Variants in ENTREP2 observed in about 807,000 individuals in gnomAD.
ENTREP2 encodes the protein protein ENTREP2.
At chr15:29,439,188 A>C in the ENTREP2 span, among the ~76,000 whole-genome samples, 1 of 151,996 alleles carries the variant, frequency 6.6e-6, no homozygotes, top group African/African-American at 2.4e-5. Flanking sequence ...TTCTCTGATA[A>C]AAGGAGAAAC....
At chr15:29,191,650 G>A in the ENTREP2 span, among the ~76,000 whole-genome samples, 1 of 152,186 alleles carries the variant, frequency 6.6e-6, no homozygotes, top group Non-Finnish European at 1.5e-5. Context: ...TAGGGGCAGT[G>A]GCTCATGCCC....
the ENTREP2 span, among the ~76,000 whole-genome samples, chr15:29,595,232 G>T: frequency 2.6e-5 from 4 of 151,790 alleles, no homozygotes; most frequent in Non-Finnish European, 5.9e-5. Flanking sequence ...CAGCCTGGGC[G>T]GCAGAGTGAA....
the ENTREP2 span, among the ~76,000 whole-genome samples, chr15:29,202,743 T>C: frequency 6.6e-6 from 1 of 152,202 alleles, no homozygotes; most frequent in African/African-American, 2.4e-5. Context: ...GTGTTTGGTT[T>C]TCTGTTCCTG....
the ENTREP2 span, chr15:29,196,662 A>T: frequency 7.5e-7 from 1 of 1,325,400 alleles, no homozygotes; most frequent in African/African-American, 1.5e-5. Flanking sequence ...AAAATGGCTC[A>T]GTTCAAAGGA....
At chr15:29,340,719 C>T in the ENTREP2 span, among the ~76,000 whole-genome samples, 1 of 152,248 alleles carries the variant, frequency 6.6e-6, no homozygotes, top group Non-Finnish European at 1.5e-5. Flanking sequence ...GTTACTAATA[C>T]ATTGAAAAAA....
the ENTREP2 span, among the ~76,000 whole-genome samples, chr15:29,368,810 G>A: frequency 6.6e-6 from 1 of 151,696 alleles, no homozygotes; most frequent in Non-Finnish European, 1.5e-5. Context: ...GGGCCCAAAA[G>A]TTCAAAGCTG....
At chr15:29,310,045 C>A in the ENTREP2 span, among the ~76,000 whole-genome samples, 2 of 151,938 alleles carry the variant, frequency 1.3e-5, no homozygotes, top group Non-Finnish European at 2.9e-5. Context: ...ATGAGATGAG[C>A]CAGACAAACA....
the ENTREP2 span, among the ~76,000 whole-genome samples, chr15:29,138,014 G>A: frequency 7.9e-5 from 12 of 152,072 alleles, no homozygotes; most frequent in African/African-American, 2.9e-4. Context: ...GTGTGTTAAA[G>A]GCTCTGAGAA....
At chr15:29,381,311 G>C in the ENTREP2 span, among the ~76,000 whole-genome samples, 1 of 151,148 alleles carries the variant, frequency 6.6e-6, no homozygotes, top group African/African-American at 2.4e-5. Context: ...AAAAAAATTA[G>C]CCGGGCATGG....
chr15:29,391,925 C>T, the ENTREP2 span, among the ~76,000 whole-genome samples: 110 of 152,266 alleles, frequency 7.2e-4, no homozygotes, highest in African/African-American at 1.0e-3. Flanking sequence ...CCCGGGTTCA[C>T]GCCATTCTCC....
At chr15:29,269,731 C>T in the ENTREP2 span, 2 of 1,489,232 alleles carry the variant, frequency 1.3e-6, no homozygotes, top group Non-Finnish European at 1.8e-6. Context: ...TGCCGGCGCA[C>T]ACTCCGGTAG....
chr15:29,638,731 C>T, the ENTREP2 span, among the ~76,000 whole-genome samples: 1 of 152,158 alleles, frequency 6.6e-6, no homozygotes, highest in Non-Finnish European at 1.5e-5. Context: ...TAAAAATTAG[C>T]CGGGCGTGGC....
chr15:29,178,460 G>GT, the ENTREP2 span, among the ~76,000 whole-genome samples: 2 of 151,848 alleles, frequency 1.3e-5, no homozygotes, highest in South Asian at 2.1e-4. Context: ...TCTGTTTTTT[G>GT]TTTTTTGTCT....
chr15:29,442,822 A>C, the ENTREP2 span, among the ~76,000 whole-genome samples: 1 of 152,206 alleles, frequency 6.6e-6, no homozygotes, highest in Non-Finnish European at 1.5e-5. Context: ...CAATGCTGGC[A>C]CTGCTCACTA....
chr15:29,394,018 G>A, the ENTREP2 span, among the ~76,000 whole-genome samples: 1 of 152,048 alleles, frequency 6.6e-6, no homozygotes, highest in African/African-American at 2.4e-5. Flanking sequence ...GAAACTGTAA[G>A]ACAAGGATTC....
chr15:29,642,558 T>C, the ENTREP2 span, among the ~76,000 whole-genome samples: 1 of 146,008 alleles, frequency 6.8e-6, no homozygotes, highest in Non-Finnish European at 1.5e-5. Flanking sequence ...TATACACATA[T>C]ATATACTATA....
chr15:29,335,969 A>G, the ENTREP2 span, among the ~76,000 whole-genome samples: 4 of 151,796 alleles, frequency 2.6e-5, no homozygotes, highest in African/African-American at 9.7e-5. Flanking sequence ...GTGAAACCCC[A>G]TCTCTACTAA....
At chr15:29,237,845 TA>T in the ENTREP2 span, among the ~76,000 whole-genome samples, 2 of 152,156 alleles carry the variant, frequency 1.3e-5, no homozygotes, top group African/African-American at 4.8e-5. Context: ...TTTTTGCCAT[TA>T]AAAGTGATAT....
At chr15:29,397,249 G>C in the ENTREP2 span, among the ~76,000 whole-genome samples, 2 of 152,126 alleles carry the variant, frequency 1.3e-5, no homozygotes, top group Admixed American at 1.3e-4. Context: ...CAATTAGCCA[G>C]ACATGGTGGT....
Sources: gnomAD v4.1 joint callset for allele counts (sites outside exome capture counted in the v4.1 genomes callset) on GRCh38, gnomAD v4.1.1 for gene constraint, MANE v1.5 for transcripts, NCBI Gene and HGNC (gene_info 2026-07-23, HGNC 2026-07-21) for gene names.